The following NSD2 variants were observed in gnomAD, a reference collection of about 807,000 sequenced individuals.
NSD2 encodes the protein histone-lysine N-methyltransferase NSD2.
NSD2 carries 12 observed loss-of-function variants against 139.0 expected under a neutral mutation model. The ratio of observed to expected loss-of-function variants is 0.09; its 90% confidence interval spans 0.06 to 0.14. The LOEUF is 0.14. Among genes scored for constraint, NSD2 ranks in the 10% least tolerant of loss-of-function variants. The pLI, the probability that NSD2 is intolerant of heterozygous loss-of-function variation, is 1.00. For missense variants in NSD2, 1,155 were observed against 1,745.0 expected (o/e 0.66, Z 6.02); for synonymous variants, 669 against 648.7 (o/e 1.03, Z -0.48).
In NSD2 at chr4:1,974,158, A is replaced by G. The variant is rs907141675; in HGVS notation, c.3373-705A>G. 6.6e-6 allele frequency among the ~76,000 whole-genome samples: 1 copy of G among 150,724 alleles called. No homozygotes were observed. Among genetic ancestry groups the G allele is most frequent in the Non-Finnish European group, 1.5e-5 (1 of 67,794 alleles). ...TCTGCATTTCTCCACCTCTGCCTGG[A>G]TTTGCTCTTTGGGAATTGTTTCTTT... On this transcript the variant is annotated intron_variant, in intron 18 of 21. Coordinates refer to ENST00000508803, the MANE Select transcript of NSD2 (RefSeq NM_001042424.3). This position sits in a 1 kb window ranked among gnomAD's most constrained non-coding sequence, Gnocchi z 4.0.
In NSD2 at chr4:1,980,553, T is replaced by C; in HGVS notation, c.*1644T>C. 4.3e-6 allele frequency: 1 copy of C among 233,300 alleles called. No individual in the cohort carries two copies. Among genetic ancestry groups the C allele is most frequent in the Non-Finnish European group, 8.5e-6 (1 of 118,036 alleles). The allele number at this position is 233,300 out of a possible 1,614,324, so 14.5% of individuals were successfully genotyped here. On this transcript the variant is annotated 3_prime_UTR_variant, in exon 22 of 22. Coordinates refer to ENST00000508803, the MANE Select transcript of NSD2 (RefSeq NM_001042424.3). ...GCCTTGGTAAAAACTGCAGTGTCTT[T>C]GGACCTGAGAGTGGCTACTCCGTGG... is the stretch of plus-strand genomic sequence containing the variant.
rs112427041 is a variant in NSD2, at chr4:1,976,956, T to A, written c.3826+277T>A. On this transcript the variant is annotated intron_variant, in intron 21 of 21. Transcript: ENST00000508803. The surrounding 1 kb of genome is among the most constrained non-coding windows in gnomAD (Gnocchi z 5.3). ...GGCAGCCCAAGGCCCAGCTGCAGAA[T>A]TGGGGCCCTCATCCATGCTGTGGGG... Among the ~76,000 whole-genome samples the A allele has an allele frequency of 2.0e-5, 3 of 152,198 alleles. No homozygotes were observed. The highest frequency in any genetic ancestry group is 2.9e-5 in the Non-Finnish European group (2 of 68,024).
chr4:1,915,999 CTCTT>C (rs1719337146), intron 3 of NSD2, among the ~76,000 whole-genome samples: 1 of 152,144 alleles, frequency 6.6e-6, no homozygotes, highest in South Asian at 2.1e-4. Context: ...TTGGGCCCGT[CTCTT>C]TCTTTCCTCA....
At chr4:1,940,784 G>A in intron 9 of NSD2, 1 of 1,059,808 alleles carries the variant, frequency 9.4e-7, no homozygotes, top group East Asian at 5.1e-5. Context: ...AGGATGGGGT[G>A]TGCCTCAGTT....
rs960943664 is a variant in NSD2 at position 1,952,311 on chromosome 4, A to T, written c.2137+80A>T. ...ACCCCCTGCACCAAGTCCTGCCCTG[A>T]GCTGCCTGCAGAGGACAAGCCCCCT... On this transcript the variant is annotated intron_variant, in intron 11 of 21. Transcript: ENST00000508803. The T allele has an allele frequency of 4.0e-5, 63 of 1,579,988 alleles. No individual in the cohort carries two copies. In the African/African-American group the frequency reaches 7.4e-4, roughly 19 times the overall value.
In NSD2 at chr4:1,914,278, C is replaced by T. The variant is rs546331136; in HGVS notation, c.761-2593C>T. Among the ~76,000 whole-genome samples the T allele has an allele frequency of 2.6e-5, 4 of 152,196 alleles. No individual in the cohort carries two copies. The East Asian group carries it at 7.7e-4, about 29-fold the overall frequency. ...CCTCAAGTATTCTACCCGCCTTGGCCTCCTAAAGTGCTGAGATTACATGTG... is the reference window on the plus strand; with the variant it reads ...CCTCAAGTATTCTACCCGCCTTGGCTTCCTAAAGTGCTGAGATTACATGTG... On this transcript the variant is annotated intron_variant, in intron 3 of 21. Coordinates refer to ENST00000508803, the MANE Select transcript of NSD2 (RefSeq NM_001042424.3).
At chr4:1,891,599 T>C (rs1310618928) in intron 1 of NSD2, among the ~76,000 whole-genome samples, 1 of 152,060 alleles carries the variant, frequency 6.6e-6, no homozygotes, top group Admixed American at 6.6e-5. Flanking sequence ...ATGCCTGTAA[T>C]CCTAGCACTT....
At position 1,976,944 on chromosome 4, in the gene NSD2, C is replaced by T. The variant is rs1411842531; in HGVS notation, c.3826+265C>T. On this transcript the variant is annotated intron_variant, in intron 21 of 21. Transcript: ENST00000508803. The surrounding 1 kb of genome is among the most constrained non-coding windows in gnomAD (Gnocchi z 5.3). ...AGGAGGGATTCAGGCAGCCCAAGGC[C>T]CAGCTGCAGAATTGGGGCCCTCATC... 2.6e-5 allele frequency among the ~76,000 whole-genome samples: 4 copies of T among 152,246 alleles called. No homozygotes were observed. The highest frequency in any genetic ancestry group is 2.6e-4 in the Admixed American group (4 of 15,290).
At chr4:1,957,632 C>T (rs1364939848) in intron 15 of NSD2, among the ~76,000 whole-genome samples, 4 of 152,122 alleles carry the variant, frequency 2.6e-5, no homozygotes. Context: ...AAGTCCCAGG[C>T]TTTGACCCTG....
At chr4:1,959,930 A>C (rs10006069) in intron 17 of NSD2, among the ~76,000 whole-genome samples, 190 bp downstream of exon 17, 1,835 of 152,166 alleles carry the variant, frequency 0.012, 39 homozygotes, top group African/African-American at 0.042. Context: ...GCATGATTGT[A>C]GTTCACTGCA....
chr4:1,902,091 G>T (rs1432434180), intron 2 of NSD2, among the ~76,000 whole-genome samples: 2 of 152,124 alleles, frequency 1.3e-5, no homozygotes, highest in South Asian at 2.1e-4. Flanking sequence ...GGTCTATAGG[G>T]TGTTGCTTTT....
At chr4:1,937,653 A>T (rs1722561847) in intron 7 of NSD2, among the ~76,000 whole-genome samples, 1 of 152,208 alleles carries the variant, frequency 6.6e-6, no homozygotes, top group African/African-American at 2.4e-5. Flanking sequence ...TCCCAAGTGC[A>T]TTCTCCTGTC....
intron 21 of NSD2, among the ~76,000 whole-genome samples, chr4:1,977,081 C>T (rs766371411): frequency 1.3e-5 from 2 of 152,238 alleles, no homozygotes; most frequent in Non-Finnish European, 2.9e-5. Flanking sequence ...GGGGCCTGGC[C>T]TGGCTGCACT....
At chr4:1,911,608 GAAAAA>G (rs1241442182) in intron 3 of NSD2, among the ~76,000 whole-genome samples, 4 of 104,766 alleles carry the variant, frequency 3.8e-5, no homozygotes, top group African/African-American at 7.4e-5. Context: ...AAAAAAAAAA[GAAAAA>G]AAAAAAGAAA....
At chr4:1,928,730 G>A (rs1721261120) in intron 5 of NSD2, among the ~76,000 whole-genome samples, 1 of 152,140 alleles carries the variant, frequency 6.6e-6, no homozygotes, top group Admixed American at 6.5e-5. Context: ...GGTGGGTGAT[G>A]GGGTGCCAGG....
intron 4 of NSD2, 132 bp downstream of exon 4, chr4:1,917,169 C>T (rs1174459622): frequency 9.9e-7 from 1 of 1,012,586 alleles, no homozygotes; most frequent in Non-Finnish European, 1.4e-6. Flanking sequence ...TCATTGTTGA[C>T]TTTTGCCCAA....
At chr4:1,897,410 T>C (rs538114385) in intron 1 of NSD2, among the ~76,000 whole-genome samples, 26 of 151,898 alleles carry the variant, frequency 1.7e-4, no homozygotes, top group Non-Finnish European at 2.1e-4. Flanking sequence ...GCTTGAGCCC[T>C]GAAGGATAGA....
At chr4:1,911,228 G>T (rs1422832134) in intron 3 of NSD2, among the ~76,000 whole-genome samples, 1 of 152,158 alleles carries the variant, frequency 6.6e-6, no homozygotes, top group African/African-American at 2.4e-5. Context: ...CTTCGAAGGG[G>T]ATGTAGGTGG....
chr4:1,947,478 A>G, intron 9 of NSD2: 1 of 1,058,288 alleles, frequency 9.4e-7, no homozygotes. Context: ...GAATTTAGGG[A>G]TAGCCAGGAA....
Sources: allele counts gnomAD v4.1 joint callset (sites outside exome capture counted in the v4.1 genomes callset), GRCh38; gene constraint gnomAD v4.1.1; non-coding constraint Gnocchi (gnomAD v3.1); transcripts MANE v1.5; gene names NCBI Gene and HGNC (gene_info 2026-07-23, HGNC 2026-07-21).